The following CNOT6L variants were observed in gnomAD, a reference collection of about 807,000 sequenced individuals.
The protein encoded by CNOT6L is CCR4-NOT transcription complex subunit 6 like, also known as CCR4-NOT transcription complex subunit 6-like.
Under a neutral mutation model 64.0 loss-of-function variants are expected in CNOT6L, and 7 were observed. That is an observed-to-expected ratio of 0.11 (90% confidence interval 0.06 to 0.21). The LOEUF (loss-of-function observed/expected upper bound fraction) is 0.21, where lower values mean the gene tolerates loss of function less well. CNOT6L is among the 10% of genes least tolerant of loss of function. CNOT6L has a pLI of 1.00. For missense variants in CNOT6L, 245 were observed against 669.0 expected (o/e 0.37, Z 6.99); for synonymous variants, 193 against 243.4 (o/e 0.79, Z 1.93).
chr4:77,767,850 G>A lies in CNOT6L; in HGVS notation c.400+5231C>T, dbSNP rs533547829. 2.8e-3 allele frequency among the ~76,000 whole-genome samples: 424 copies of A among 151,830 alleles called. 3 individuals carry two copies. Among genetic ancestry groups the A allele is most frequent in the Non-Finnish European group, 5.1e-3 (343 of 67,884 alleles). On this transcript the variant is annotated intron_variant, in intron 4 of 11. Transcript: ENST00000504123. Reference sequence around the variant, plus strand: ...AAAAACTAGCTGGGCATGGTGGCGGGAGCCTGTAATCCCAGCTACTCAGGA... The same window carrying A: ...AAAAACTAGCTGGGCATGGTGGCGGAAGCCTGTAATCCCAGCTACTCAGGA...
At chr4:77,803,760 G>A (rs539630645) in intron 1 of CNOT6L, among the ~76,000 whole-genome samples, 7 of 152,028 alleles carry the variant, frequency 4.6e-5, no homozygotes, top group East Asian at 1.9e-4. Context: ...AAAATTAGCC[G>A]GGTGTGGTGG....
chr4:77,783,161 A>AAC (rs1178115996), intron 1 of CNOT6L, among the ~76,000 whole-genome samples: 1 of 151,584 alleles, frequency 6.6e-6, no homozygotes, highest in Non-Finnish European at 1.5e-5. Context: ...AAAAAAAAAA[A>AAC]AAAAAAAAAC....
chr4:77,761,509 T>C (rs960145342), intron 4 of CNOT6L, among the ~76,000 whole-genome samples: 6 of 152,212 alleles, frequency 3.9e-5, no homozygotes, highest in Non-Finnish European at 8.8e-5. Context: ...TTCTAAAGCA[T>C]TCTGAAAACT....
chr4:77,799,470 C>A (rs866310658), intron 1 of CNOT6L, among the ~76,000 whole-genome samples: 1 of 151,740 alleles, frequency 6.6e-6, no homozygotes, highest in Non-Finnish European at 1.5e-5. Flanking sequence ...TTTCGGAGAC[C>A]GAGGCAGGTG....
At chr4:77,800,510 CT>C (rs762012147) in intron 1 of CNOT6L, among the ~76,000 whole-genome samples, 34 of 150,496 alleles carry the variant, frequency 2.3e-4, no homozygotes, top group Non-Finnish European at 4.9e-4. Flanking sequence ...GACCCTGTCT[CT>C]TAAAAAAAAA....
At chr4:77,818,294 A>G (rs749842441) in intron 1 of CNOT6L, among the ~76,000 whole-genome samples, 2 of 152,222 alleles carry the variant, frequency 1.3e-5, no homozygotes, top group Non-Finnish European at 2.9e-5. Flanking sequence ...CCTCTTCCTC[A>G]CCCAGCTCCT....
intron 1 of CNOT6L, among the ~76,000 whole-genome samples, chr4:77,792,491 T>C (rs561089461): frequency 1.3e-5 from 2 of 152,096 alleles, no homozygotes; most frequent in African/African-American, 4.8e-5. Flanking sequence ...TTTGGGAGGC[T>C]GAGGTGGGCA....
intron 1 of CNOT6L, among the ~76,000 whole-genome samples, chr4:77,793,051 A>G (rs991627430): frequency 7.9e-5 from 12 of 151,874 alleles, no homozygotes; most frequent in South Asian, 6.2e-4. Flanking sequence ...CCAAATGCCA[A>G]TGGTGCTAAG....
At chr4:77,788,598 T>C (rs1047609640) in intron 1 of CNOT6L, among the ~76,000 whole-genome samples, 9 of 152,036 alleles carry the variant, frequency 5.9e-5, no homozygotes, top group Non-Finnish European at 2.9e-5. Flanking sequence ...CGTGGTGGCA[T>C]GTGCCTGTAG....
chr4:77,813,937 T>G (rs1227042407), intron 1 of CNOT6L, among the ~76,000 whole-genome samples: 3 of 152,162 alleles, frequency 2.0e-5, no homozygotes, highest in Non-Finnish European at 2.9e-5. Context: ...ACATAAGAAC[T>G]TGTACATGAA....
chr4:77,787,181 G>A (rs1008813279), intron 1 of CNOT6L, among the ~76,000 whole-genome samples: 13 of 152,034 alleles, frequency 8.6e-5, no homozygotes, highest in Admixed American at 5.2e-4. Context: ...CAGGAGAATC[G>A]CTTGAACCTG....
chr4:77,725,392 A>G (rs1577918363), intron 11 of CNOT6L, among the ~76,000 whole-genome samples: 1 of 152,342 alleles, frequency 6.6e-6, no homozygotes, highest in East Asian at 1.9e-4. Flanking sequence ...AGATTCTACT[A>G]TAGATGCCTG....
intron 4 of CNOT6L, 134 bp downstream of exon 4, chr4:77,772,947 A>G (rs894389173): frequency 3.2e-6 from 2 of 633,346 alleles, no homozygotes; most frequent in Admixed American, 3.4e-5. Flanking sequence ...ACAAACAAAC[A>G]AAAACTACTT....
At chr4:77,800,504 CTG>C (rs1731407614) in intron 1 of CNOT6L, among the ~76,000 whole-genome samples, 1 of 151,676 alleles carries the variant, frequency 6.6e-6, no homozygotes, top group South Asian at 2.1e-4. Context: ...AAGCAAGACC[CTG>C]TCTCTTAAAA....
Position 77,728,999 on chromosome 4 carries a change from A to G in CNOT6L, c.1107T>C (p.Asp369=), listed in dbSNP as rs1156523867. 1.9e-6 allele frequency: 3 copies of G among 1,613,830 alleles called. No individual in the cohort carries two copies. Among genetic ancestry groups the G allele is most frequent in the Non-Finnish European group, 2.5e-6 (3 of 1,179,736 alleles). Residue 369 remains aspartate, a synonymous_variant, in exon 10 of 12, where the codon GAT becomes GAC. Transcript: ENST00000504123. ...ACATCATGGTCTGGATGAGCTTCAC[A>G]TCAGAATACTCTGGGTCCCAATGCA... is the stretch of plus-strand genomic sequence containing the variant. ...AHMHWDPEYS[D]VKLIQTMMFV...
At chr4:77,818,514 C>T (rs904719343) in intron 1 of CNOT6L, among the ~76,000 whole-genome samples, 9 of 152,178 alleles carry the variant, frequency 5.9e-5, no homozygotes, top group Non-Finnish European at 1.2e-4. Flanking sequence ...TACTCAGTCC[C>T]TCCACACAGC....
At chr4:77,791,690 T>G (rs1209507580) in intron 1 of CNOT6L, among the ~76,000 whole-genome samples, 1 of 152,170 alleles carries the variant, frequency 6.6e-6, no homozygotes, top group African/African-American at 2.4e-5. Flanking sequence ...ATATTCTGAT[T>G]GAGAAAAATT....
intron 7 of CNOT6L, chr4:77,742,566 T>C (rs1290073538): frequency 4.5e-6 from 2 of 442,430 alleles, no homozygotes; most frequent in Admixed American, 3.6e-5. Context: ...TGATTCCCAA[T>C]TTACAGTTCA....
intron 4 of CNOT6L, among the ~76,000 whole-genome samples, chr4:77,768,722 A>G (rs1727174501): frequency 1.3e-5 from 2 of 152,018 alleles, no homozygotes; most frequent in Non-Finnish European, 2.9e-5. Context: ...TCTTACCAGC[A>G]ATTAGGAAAA....
Sources: allele counts gnomAD v4.1 joint callset (sites outside exome capture counted in the v4.1 genomes callset), GRCh38; gene constraint gnomAD v4.1.1; transcripts MANE v1.5; gene names NCBI Gene and HGNC (gene_info 2026-07-23, HGNC 2026-07-21).